WWOX: variants seen among roughly 807,000 people sequenced by gnomAD.
WWOX encodes the protein WW domain-containing oxidoreductase.
WWOX carries 69 observed loss-of-function variants against 46.2 expected under a neutral mutation model. The ratio of observed to expected loss-of-function variants is 1.49; its 90% CI spans 1.23 to 1.82. WWOX has a LOEUF of 1.82. Ranked by LOEUF, WWOX falls within the 40% of genes most tolerant of loss-of-function variation. The pLI, the probability that WWOX is intolerant of heterozygous loss-of-function variation, is 0.00. For synonymous variants in WWOX, 359 were observed against 202.6 expected (o/e 1.77, Z -6.56); for missense variants, 919 against 542.6 (o/e 1.69, Z -6.89).
intron 8 of WWOX, among the ~76,000 whole-genome samples, chr16:79,164,176 A>T (rs552020326): frequency 6.6e-6 from 1 of 152,200 alleles, no homozygotes; most frequent in Non-Finnish European, 1.5e-5. Flanking sequence ...ATATAAATCA[A>T]TACTTTCATG....
At chr16:79,067,288 A>C (rs192127862) in intron 8 of WWOX, among the ~76,000 whole-genome samples, 75 of 152,268 alleles carry the variant, frequency 4.9e-4, no homozygotes, top group African/African-American at 1.6e-3. Context: ...GTAAAAGCTA[A>C]AACCTTTGCA....
intron 8 of WWOX, among the ~76,000 whole-genome samples, chr16:78,623,145 G>C (rs1475793929): frequency 6.6e-6 from 1 of 151,922 alleles, no homozygotes; most frequent in Non-Finnish European, 1.5e-5. Flanking sequence ...GTAAGACCCT[G>C]GATGGAGAAC....
At chr16:78,969,520 C>G (rs901899183) in intron 8 of WWOX, among the ~76,000 whole-genome samples, 1 of 152,150 alleles carries the variant, frequency 6.6e-6, no homozygotes, top group Non-Finnish European at 1.5e-5. Context: ...ATCCAACCGC[C>G]TCAGCCTCCC....
chr16:78,377,860 A>T (rs1204895735), intron 5 of WWOX, among the ~76,000 whole-genome samples: 4 of 152,184 alleles, frequency 2.6e-5, no homozygotes, highest in Admixed American at 2.6e-4. Context: ...TAGACTTAGA[A>T]TTACCTATAG....
chr16:78,240,557 A>C lies in WWOX; in HGVS notation c.516+76268A>C, dbSNP rs931487474. Among the ~76,000 whole-genome samples, 4 of 152,040 alleles carry C rather than the reference A, an allele frequency of 2.6e-5. 1 individual carries two copies. Among genetic ancestry groups the C allele is most frequent in the Non-Finnish European group, 5.9e-5 (4 of 68,002 alleles). On this transcript the variant is annotated intron_variant, in intron 5 of 8. Transcript: ENST00000566780. ...GAACTGTGAGAGTCAGTTTCTGTTGAGCTTGTGCTGATACGCTAGGGCAGC... is the reference window on the plus strand; with the variant it reads ...GAACTGTGAGAGTCAGTTTCTGTTGCGCTTGTGCTGATACGCTAGGGCAGC...
At chr16:78,232,526 G>GA (rs2037301503) in intron 5 of WWOX, among the ~76,000 whole-genome samples, 1 of 152,206 alleles carries the variant, frequency 6.6e-6, no homozygotes, top group African/African-American at 2.4e-5. Context: ...AGGATTTTAT[G>GA]AAAAGGGAGC....
chr16:78,587,593 A>T (rs1467433565), intron 8 of WWOX, among the ~76,000 whole-genome samples: 3 of 152,108 alleles, frequency 2.0e-5, no homozygotes, highest in Non-Finnish European at 4.4e-5. Context: ...AGAGATGTTG[A>T]TGAGAAGAAA....
At chr16:78,348,646 C>T (rs1423288819) in intron 5 of WWOX, among the ~76,000 whole-genome samples, 2 of 118,722 alleles carry the variant, frequency 1.7e-5, no homozygotes, top group East Asian at 1.9e-4. Context: ...TCTGTAGAGA[C>T]GGGCTTTCCC....
chr16:78,977,974 C>T (rs1566883), intron 8 of WWOX, among the ~76,000 whole-genome samples: 41,225 of 107,500 alleles, frequency 0.38, 6,022 homozygotes, highest in Non-Finnish European at 0.49. Flanking sequence ...GTGTAAATAC[C>T]GCATCTATTT....
intron 5 of WWOX, among the ~76,000 whole-genome samples, chr16:78,321,197 TTTAGAAGCTGAGTA>T (rs1220818103): frequency 6.6e-6 from 1 of 151,504 alleles, no homozygotes; most frequent in Non-Finnish European, 1.5e-5. Context: ...GAACAGGAGT[TTTAGAAGCTGAGTA>T]CCACCCACTC....
At chr16:79,125,267 T>C (rs1242887564) in intron 8 of WWOX, among the ~76,000 whole-genome samples, 1 of 152,216 alleles carries the variant, frequency 6.6e-6, no homozygotes, top group Admixed American at 6.5e-5. Context: ...GTACTGTTGA[T>C]TGTATTTTAG....
intron 8 of WWOX, among the ~76,000 whole-genome samples, chr16:78,729,019 T>A (rs1171153559): frequency 6.6e-6 from 1 of 152,090 alleles, no homozygotes; most frequent in East Asian, 1.9e-4. Flanking sequence ...GTCATCCCCC[T>A]AAAGATATCC....
chr16:78,696,306 C>T (rs4035811), intron 8 of WWOX, among the ~76,000 whole-genome samples: 1 of 152,132 alleles, frequency 6.6e-6, no homozygotes, highest in Non-Finnish European at 1.5e-5. Context: ...ACAGTGATAG[C>T]AGCTGAGATT....
intron 8 of WWOX, among the ~76,000 whole-genome samples, chr16:79,041,630 A>T (rs1268273345): frequency 1.3e-5 from 2 of 152,182 alleles, no homozygotes; most frequent in Non-Finnish European, 2.9e-5. Context: ...GACTGGGGTC[A>T]GTAGCAGGCC....
At chr16:78,334,959 G>C (rs7187247) in intron 5 of WWOX, among the ~76,000 whole-genome samples, 1,973 of 151,202 alleles carry the variant, frequency 0.013, 49 homozygotes, top group African/African-American at 0.046. Context: ...TGTGAGATGG[G>C]CGTTTATTAT....
At chr16:78,866,862 C>T (rs370435330) in intron 8 of WWOX, among the ~76,000 whole-genome samples, 4 of 152,206 alleles carry the variant, frequency 2.6e-5, no homozygotes, top group African/African-American at 9.7e-5. Context: ...CAGTAGGTGA[C>T]CACACTCAGA....
intron 8 of WWOX, among the ~76,000 whole-genome samples, chr16:78,855,119 G>C (rs1283653538): frequency 6.6e-6 from 1 of 152,172 alleles, no homozygotes; most frequent in Non-Finnish European, 1.5e-5. Flanking sequence ...TTTTACAAGT[G>C]TGTTTAAATC....
intron 8 of WWOX, among the ~76,000 whole-genome samples, chr16:78,639,336 C>A (rs192582720): frequency 8.1e-4 from 123 of 152,300 alleles, no homozygotes; most frequent in Non-Finnish European, 1.4e-3. Context: ...CACCTGGGCT[C>A]ACACCTTGCC....
chr16:78,862,333 C>G (rs1159058269), intron 8 of WWOX, among the ~76,000 whole-genome samples: 1 of 150,732 alleles, frequency 6.6e-6, no homozygotes, highest in Non-Finnish European at 1.5e-5. Context: ...TATATCTATA[C>G]ATTATATGTA....
Sources: gnomAD v4.1 joint callset for allele counts (sites outside exome capture counted in the v4.1 genomes callset) on GRCh38, gnomAD v4.1.1 for gene constraint, MANE v1.5 for transcripts, NCBI Gene and HGNC (gene_info 2026-07-23, HGNC 2026-07-21) for gene names.